The following HSPA4L variants were observed in gnomAD, a reference collection of about 807,000 sequenced individuals.
HSPA4L encodes the protein heat shock 70 kDa protein 4L.
HSPA4L carries 48 observed loss-of-function variants against 100.3 expected under a neutral mutation model. That is an observed-to-expected ratio of 0.48 (90% CI 0.38 to 0.61). The LOEUF (loss-of-function observed/expected upper bound fraction) is 0.61. Among genes scored for constraint, HSPA4L ranks in the 20% least tolerant of loss-of-function variants. The pLI is 0.00. For synonymous variants in HSPA4L, 319 were observed against 328.2 expected, an observed-to-expected ratio of 0.97 and a Z score of 0.30; for missense variants, 886 against 988.6, an observed-to-expected ratio of 0.90 and a Z score of 1.39.
chr4:127,811,556 A>G lies in HSPA4L; in HGVS notation c.1498A>G (p.Lys500Glu). Residue 500 changes from lysine to glutamate, a missense_variant, in exon 12 of 19, where the codon AAG (lysine) becomes GAG (glutamate). By Grantham distance (56) the Lys-to-Glu change is moderately conservative. Coordinates refer to ENST00000296464, the MANE Select transcript of HSPA4L (RefSeq NM_014278.4). ...TGTGGCTAGCGCATCAGTAATTGAGAAGCAAAATTTGGAAGGCGATCACAG... is the reference window on the plus strand; with the variant it reads ...TGTGGCTAGCGCATCAGTAATTGAGGAGCAAAATTTGGAAGGCGATCACAG... The part of the protein sequence containing the change: ...FSVASASVIE[K>E]QNLEGDHSDA... 1 of 1,614,060 alleles carries G rather than the reference A, an allele frequency of 6.2e-7. No homozygotes were observed. The highest frequency in any genetic ancestry group is 8.5e-7 in the Non-Finnish European group (1 of 1,179,984).
At chr4:127,823,650 G>C (rs890205094) in intron 16 of HSPA4L, 26 bp downstream of exon 16, 2 of 1,395,006 alleles carry the variant, frequency 1.4e-6, no homozygotes, top group Non-Finnish European at 2.0e-6. Flanking sequence ...GTCCATGTTA[G>C]TATAAACCAG....
chr4:127,805,578 T>TA (rs1733330530), intron 9 of HSPA4L, 109 bp from the exon 10 acceptor site: 1 of 755,450 alleles, frequency 1.3e-6, no homozygotes, highest in African/African-American at 1.8e-5. Flanking sequence ...CAGTAACTTT[T>TA]AAAATGTAAC....
intron 1 of HSPA4L, chr4:127,783,705 G>A (rs1732633936): frequency 1.3e-6 from 2 of 1,524,678 alleles, no homozygotes; most frequent in Non-Finnish European, 1.8e-6. Flanking sequence ...TAATTTGACC[G>A]TTCTGAATGG....
chr4:127,789,169 A>T (rs1732801006), intron 1 of HSPA4L, among the ~76,000 whole-genome samples: 1 of 152,188 alleles, frequency 6.6e-6, no homozygotes. Context: ...TTAAAGAGAA[A>T]ATACAGATAC....
intron 12 of HSPA4L, 21 bp from the exon 13 acceptor site, chr4:127,818,304 A>G (rs1733724954): frequency 6.5e-7 from 1 of 1,526,862 alleles, no homozygotes; most frequent in Non-Finnish European, 9.0e-7. Context: ...GTATATTATC[A>G]ATTATGTATT....
At position 127,822,880 on chromosome 4, in the gene HSPA4L, T is replaced by C; in HGVS notation, c.1924T>C (p.Phe642Leu). Residue 642 changes from phenylalanine (F) to leucine (L), a missense_variant, in exon 15 of 19, where the codon TTC becomes CTC. Transcript: ENST00000296464. ...CAGGCTGGGCACTGTCTATGAAAAA[T>C]TCATCACTCCAGAAGTAAGTCTAAA... Reference protein sequence around the residue: ...RDRLGTVYEKFITPEDLSKLS... With the variant: ...RDRLGTVYEKLITPEDLSKLS... 6.2e-7 allele frequency: 1 copy of C among 1,613,368 alleles called. No homozygotes were observed. Among genetic ancestry groups the C allele is most frequent in the Non-Finnish European group, 8.5e-7 (1 of 1,179,672 alleles).
In HSPA4L at chr4:127,827,337, G is replaced by A. The variant is rs1296504500; in HGVS notation, c.2079G>A (p.Met693Ile). The A allele has an allele frequency of 2.5e-6, 4 of 1,613,530 alleles. No individual in the cohort carries two copies. Among genetic ancestry groups the A allele is most frequent in the African/African-American group, 1.3e-5 (1 of 74,986 alleles). ...GCCAGCCTATTCAAATGAAGTACATGGAGCATGAAGAGAGACCAAAAGCCT... is the reference window on the plus strand; with the variant it reads ...GCCAGCCTATTCAAATGAAGTACATAGAGCATGAAGAGAGACCAAAAGCCT... ...KYGQPIQMKY[M>I]EHEERPKALN... is the part of the protein sequence containing the mutation. The change falls in exon 17 of 19, where the codon ATG becomes ATA. Residue 693 changes from methionine to isoleucine, a missense_variant. Physicochemically the swap from Met to Ile is conservative, Grantham distance 10. Transcript: ENST00000296464.
At chr4:127,824,500 A>G (rs1733894337) in intron 16 of HSPA4L, among the ~76,000 whole-genome samples, 1 of 152,246 alleles carries the variant, frequency 6.6e-6, no homozygotes, top group Non-Finnish European at 1.5e-5. Flanking sequence ...GATATTGTAT[A>G]GTCATAATGT....
chr4:127,797,110 G>A (rs1733043235), intron 3 of HSPA4L, among the ~76,000 whole-genome samples: 3 of 152,086 alleles, frequency 2.0e-5, no homozygotes, highest in Admixed American at 6.5e-5. Flanking sequence ...AATAGTTGAG[G>A]AAGACACCAT....
At chr4:127,812,697 A>ATTTTTTTTTTTT in intron 12 of HSPA4L, 1 of 705,516 alleles carries the variant, frequency 1.4e-6, no homozygotes, top group Non-Finnish European at 2.4e-6. Context: ...GAGGTCCTTT[A>ATTTTTTTTTTTT]TTTTTTTTTT....
intron 1 of HSPA4L, among the ~76,000 whole-genome samples, chr4:127,787,763 CT>C (rs930943418): frequency 6.6e-6 from 1 of 151,412 alleles, no homozygotes; most frequent in South Asian, 2.1e-4. Context: ...AATACCTTTG[CT>C]TTTTTTAAAT....
In HSPA4L at chr4:127,792,759, T is replaced by C. The variant is rs574985692; in HGVS notation, c.108-1318T>C. 7.9e-5 allele frequency among the ~76,000 whole-genome samples: 12 copies of C among 152,170 alleles called. No homozygotes were observed. The East Asian group carries it at 2.3e-3, about 29-fold the overall frequency. ...GAGAAAAATAAAATTGGGTTAACAG[T>C]GTGAGGTATGTGTTGGGGAGGAGCA... On this transcript the variant is annotated intron_variant, in intron 1 of 18. Coordinates refer to ENST00000296464, the MANE Select transcript of HSPA4L (RefSeq NM_014278.4).
At position 127,812,266 on chromosome 4, in the gene HSPA4L, G is replaced by A. The variant is rs373240480; in HGVS notation, c.1578+630G>A. ...CCACTAAAAATACAAAAAATTAGCC[G>A]GGCGTGGTGGCAGGTACCTGTAGTC... On this transcript the variant is annotated intron_variant, in intron 12 of 18. Coordinates refer to ENST00000296464, the MANE Select transcript of HSPA4L (RefSeq NM_014278.4). 2.5e-3 allele frequency among the ~76,000 whole-genome samples: 378 copies of A among 151,912 alleles called. 2 individuals are homozygous for A. Among genetic ancestry groups the A allele is most frequent in the South Asian group, 0.013 (60 of 4,800 alleles).
intron 12 of HSPA4L, chr4:127,812,697 A>AT (rs376898760): frequency 0.041 from 28,325 of 689,158 alleles, 42 homozygotes; most frequent in African/African-American, 0.056. Flanking sequence ...GAGGTCCTTT[A>AT]TTTTTTTTTT....
At chr4:127,813,153 A>G (rs536206015) in intron 12 of HSPA4L, 7 of 1,431,478 alleles carry the variant, frequency 4.9e-6, no homozygotes, top group South Asian at 4.6e-5. Context: ...TAAAAGGCCT[A>G]GAGAACATAT....
intron 13 of HSPA4L, 25 bp from the exon 14 acceptor site, chr4:127,820,403 T>A: frequency 6.4e-7 from 1 of 1,559,780 alleles, no homozygotes; most frequent in Non-Finnish European, 8.6e-7. Context: ...TTTTAGAAAT[T>A]TATACTTCTC....
chr4:127,832,997 A>G lies in HSPA4L; in HGVS notation c.*123A>G, dbSNP rs1734125939. ...ACCACTTTTGTCATTTGTTTTTTGGAGTAGTTTTGAAAAGTGTTTTATATT... is the reference window on the plus strand; with the variant it reads ...ACCACTTTTGTCATTTGTTTTTTGGGGTAGTTTTGAAAAGTGTTTTATATT... On this transcript the variant is annotated 3_prime_UTR_variant, in exon 19 of 19. Transcript: ENST00000296464. The G allele has an allele frequency of 1.4e-6, 1 of 691,298 alleles. No individual in the cohort carries two copies. Among genetic ancestry groups the G allele is most frequent in the Non-Finnish European group, 2.3e-6 (1 of 441,530 alleles). 42.8% of individuals were successfully genotyped at this position (691,298 alleles called of 1,614,324 possible).
At chr4:127,826,573 C>CA (rs1241839422) in intron 16 of HSPA4L, among the ~76,000 whole-genome samples, 3 of 152,166 alleles carry the variant, frequency 2.0e-5, no homozygotes, top group Non-Finnish European at 4.4e-5. Flanking sequence ...TTAGTTTTGA[C>CA]AAATGTACCC....
Position 127,782,647 on chromosome 4 carries a change from A to G in HSPA4L, c.97A>G (p.Arg33Gly). 6.2e-7 allele frequency: 1 copy of G among 1,609,066 alleles called. No individual in the cohort carries two copies. The highest frequency in any genetic ancestry group is 1.7e-4 in the Middle Eastern group (1 of 6,046). Reference protein sequence around the residue: ...IETIANEYSDRCTPACISLGS... With the variant: ...IETIANEYSDGCTPACISLGS... ...GACCATCGCCAATGAGTACAGCGAC[A>G]GGTGTACCCCGTAAGTGCCTCTGCT... The change falls in exon 1 of 19, where the codon AGG becomes GGG. Residue 33 changes from arginine to glycine, a missense_variant. Physicochemically the swap from Arg to Gly is moderately radical, Grantham distance 125 (BLOSUM62 -2). Transcript: ENST00000296464.
Sources: gnomAD v4.1 joint callset for allele counts (sites outside exome capture counted in the v4.1 genomes callset) on GRCh38, gnomAD v4.1.1 for gene constraint, MANE v1.5 for transcripts, NCBI Gene and HGNC (gene_info 2026-07-23, HGNC 2026-07-21) for gene names.